The following TLE3 variants were observed in gnomAD, a reference collection of about 807,000 sequenced individuals.
TLE3 encodes TLE family member 3, transcriptional corepressor.
Under a neutral mutation model 93.0 loss-of-function variants are expected in TLE3, and 14 were observed. That is an observed-to-expected ratio of 0.15 (90% CI 0.10 to 0.24). The LOEUF is 0.24. Among genes scored for constraint, TLE3 ranks in the 10% least tolerant of loss-of-function variants. The probability of loss-of-function intolerance (pLI) is 1.00; values close to 1 mark genes in which losing one functional copy is unlikely to be tolerated. For synonymous variants in TLE3, 451 were observed against 425.0 expected (o/e 1.06, Z -0.75); for missense variants, 693 against 1,046.6 (o/e 0.66, Z 4.66).
At position 70,090,162 on chromosome 15, in the gene TLE3, A is replaced by G. The variant is rs74575617; in HGVS notation, c.234+4370T>C. Among the ~76,000 whole-genome samples, 709 of 152,280 alleles carry G rather than the reference A, an allele frequency of 4.7e-3. 8 individuals carry two copies. Among genetic ancestry groups the G allele is most frequent in the African/African-American group, 0.016 (685 of 41,554 alleles). On this transcript the variant is annotated intron_variant, in intron 4 of 19. Transcript: ENST00000451782. Reference sequence around the variant, plus strand: ...ACCTCCCTCTAGCTAGACAGCATGCAGGGAGCTTGGAGCCCAGCAGACCCC... The same window carrying G: ...ACCTCCCTCTAGCTAGACAGCATGCGGGGAGCTTGGAGCCCAGCAGACCCC...
chr15:70,060,783 G>C, intron 8 of TLE3, 134 bp from the exon 9 acceptor site: 1 of 1,477,080 alleles, frequency 6.8e-7, no homozygotes, highest in South Asian at 1.2e-5. Flanking sequence ...CTGCCCTGCA[G>C]ATCGTGGCTC....
chr15:70,058,977 G>A lies in TLE3; in HGVS notation c.766-162C>T, dbSNP rs2056285568. ...AGGAAAAACTAGCTCTTAACCATCT[G>A]GTCTGACTGAGGCCTAGGGAGGGTG... On this transcript the variant is annotated intron_variant, in intron 10 of 19. Transcript: ENST00000451782. This position sits in a 1 kb window ranked among gnomAD's most constrained non-coding sequence, Gnocchi z 4.1. Among the ~76,000 whole-genome samples the A allele has an allele frequency of 6.6e-6, 1 of 152,180 alleles. No individual in the cohort carries two copies. The highest frequency in any genetic ancestry group is 1.5e-5 in the Non-Finnish European group (1 of 68,034).
chr15:70,064,929 T>G (rs1452373924), intron 7 of TLE3, among the ~76,000 whole-genome samples: 1 of 151,894 alleles, frequency 6.6e-6, no homozygotes, highest in Non-Finnish European at 1.5e-5. Context: ...AAAAAGGAAT[T>G]TAACAGTGGT....
At chr15:70,074,355 G>A in intron 6 of TLE3, 178 bp downstream of exon 6, 1 of 666,126 alleles carries the variant, frequency 1.5e-6, no homozygotes, top group Non-Finnish European at 2.4e-6. Flanking sequence ...GCAACTGGGA[G>A]CCAAGGGGGA....
Position 70,095,744 on chromosome 15 carries a change from C to G in TLE3, c.126-103G>C, listed in dbSNP as rs568272137. On this transcript the variant is annotated intron_variant, in intron 2 of 19. Coordinates refer to ENST00000451782, the MANE Select transcript of TLE3 (RefSeq NM_001105192.3). ...AGCCACTTTTCCACTTTCCTGACAC[C>G]CCCCCGGGGGCGCCCCCATTATCCC... 4.3e-6 allele frequency: 6 copies of G among 1,397,680 alleles called. No individual in the cohort carries two copies. In the African/African-American group the frequency reaches 8.9e-5, roughly 21 times the overall value. The allele number at this position is 1,397,680 out of a possible 1,614,324, so 86.6% of individuals were successfully genotyped here.
At chr15:70,096,094 A>C in intron 2 of TLE3, 67 bp downstream of exon 2, 2 of 1,472,680 alleles carry the variant, frequency 1.4e-6, no homozygotes, top group South Asian at 1.2e-5. Flanking sequence ...CCCGCGGGGG[A>C]TGGCAGGAGC....
rs1482729540 is a variant in TLE3 at position 70,094,532 on chromosome 15, C to T, written c.234G>A (p.Gln78=). 1.3e-6 allele frequency: 2 copies of T among 1,549,010 alleles called. No individual in the cohort carries two copies. The highest frequency in any genetic ancestry group is 1.7e-6 in the Non-Finnish European group (2 of 1,147,500). ...SYGLNIEMHK[Q]TEIAKRLNTI... Reference sequence around the variant, plus strand: ...ATTTTTAAAAGAGAAAAGCACTTACCTGCTTGTGCATTTCAATGTTCAAGC... The same window carrying T: ...ATTTTTAAAAGAGAAAAGCACTTACTTGCTTGTGCATTTCAATGTTCAAGC... The change falls in exon 4 of 20, where the codon CAG becomes CAA. Residue 78 remains glutamine (Q), a splice_region_variant and synonymous_variant. Coordinates refer to ENST00000451782, the MANE Select transcript of TLE3 (RefSeq NM_001105192.3).
At position 70,097,637 on chromosome 15, in the gene TLE3, C is replaced by T. The variant is rs2058623250; in HGVS notation, c.-839G>A. The T allele has an allele frequency of 2.5e-6, 1 of 398,192 alleles. No individual in the cohort carries two copies. The highest frequency in any genetic ancestry group is 1.2e-4 in the South Asian group (1 of 8,028). The allele number at this position is 398,192 out of a possible 1,614,324, so 24.7% of individuals were successfully genotyped here. On this transcript the variant is annotated 5_prime_UTR_variant, in exon 1 of 20. Coordinates refer to ENST00000451782, the MANE Select transcript of TLE3 (RefSeq NM_001105192.3). ...ACCGAGGAGCGCTCAGCGCCACCGC[C>T]GCTGCCGCGTCGGAGCGCACAGGCA...
At chr15:70,070,029 C>T (rs936245612) in intron 6 of TLE3, among the ~76,000 whole-genome samples, 11 of 152,240 alleles carry the variant, frequency 7.2e-5, no homozygotes, top group African/African-American at 1.2e-4. Flanking sequence ...AATCAGAGAC[C>T]GCCTGTCTCC....
intron 19 of TLE3, 102 bp from the exon 20 acceptor site, chr15:70,050,306 C>G (rs932776702): frequency 1.8e-5 from 16 of 903,700 alleles, no homozygotes; most frequent in Non-Finnish European, 2.7e-5. Context: ...TCGGTTCTCT[C>G]GGCAACAATT....
chr15:70,090,980 C>G (rs1435141785), intron 4 of TLE3, among the ~76,000 whole-genome samples: 2 of 152,182 alleles, frequency 1.3e-5, no homozygotes, highest in African/African-American at 4.8e-5. Flanking sequence ...AGAAAAGGAG[C>G]ACTCTTCATT....
chr15:70,088,437 AAGG>A (rs762916927), intron 4 of TLE3, among the ~76,000 whole-genome samples: 58 of 152,226 alleles, frequency 3.8e-4, no homozygotes, highest in Admixed American at 9.8e-4. Context: ...ATGTATTTTG[AAGG>A]AGAAGAGAAA....
chr15:70,071,832 T>A lies in TLE3; in HGVS notation c.372+2701A>T, dbSNP rs549030162. 1.9e-3 allele frequency among the ~76,000 whole-genome samples: 291 copies of A among 152,278 alleles called. 2 individuals carry two copies. The highest frequency in any genetic ancestry group is 6.8e-3 in the African/African-American group (282 of 41,560). ...CCTGCTGGGGCCAGGATGCCTGCCC[T>A]TTTGCTCAGCCCATGGCTCTGCACC... On this transcript the variant is annotated intron_variant, in intron 6 of 19. Coordinates refer to ENST00000451782, the MANE Select transcript of TLE3 (RefSeq NM_001105192.3).
chr15:70,092,105 C>A (rs1012229266), intron 4 of TLE3, among the ~76,000 whole-genome samples: 4 of 152,098 alleles, frequency 2.6e-5, no homozygotes, highest in Non-Finnish European at 5.9e-5. Flanking sequence ...TTGTGTGTGC[C>A]GATAAAACAC....
chr15:70,095,098 G>A (rs1030674442), intron 3 of TLE3, among the ~76,000 whole-genome samples: 1 of 152,154 alleles, frequency 6.6e-6, no homozygotes, highest in South Asian at 2.1e-4. Context: ...GCTTTACAAG[G>A]CCTCTCCACT....
At position 70,052,432 on chromosome 15, in the gene TLE3, G is replaced by A. The variant is rs1260014757; in HGVS notation, c.2067C>T (p.Asp689=). 2 of 1,613,934 alleles carry A rather than the reference G, an allele frequency of 1.2e-6. No individual in the cohort carries two copies. Among genetic ancestry groups the A allele is most frequent in the Non-Finnish European group, 8.5e-7 (1 of 1,179,954 alleles). The change falls in exon 18 of 20, where the codon GAC becomes GAT. Residue 689 remains aspartate, a synonymous_variant. Transcript: ENST00000451782. ...NVEVLHHTKP[D]KYQLHLHESC... ...TCTCGTGCAGGTGCAGCTGGTACTT[G>A]TCAGGCTTGGTGTGGTGCAGCACCT...
Position 70,097,456 on chromosome 15 carries a change from C to T in TLE3, c.-658G>A. 4 of 406,518 alleles carry T rather than the reference C, an allele frequency of 9.8e-6. No homozygotes were observed. Among genetic ancestry groups the T allele is most frequent in the Non-Finnish European group, 1.7e-5 (4 of 231,026 alleles). 25.2% of individuals were successfully genotyped at this position (406,518 alleles called of 1,614,324 possible). A position where few individuals can be genotyped will look rare whatever the true frequency, so the allele number is the denominator to read the frequency against. ...CTGTTCCGTCTGCTACTGCCGCTGCCGCCGCCGCCGCCGCCGCTGCAAGCC... is the reference window on the plus strand; with the variant it reads ...CTGTTCCGTCTGCTACTGCCGCTGCTGCCGCCGCCGCCGCCGCTGCAAGCC... On this transcript the variant is annotated 5_prime_UTR_variant, in exon 1 of 20. Coordinates refer to ENST00000451782, the MANE Select transcript of TLE3 (RefSeq NM_001105192.3).
chr15:70,049,084 C>CT lies in TLE3; in HGVS notation c.*1012dup, dbSNP rs1250054400. The stretch of plus-strand genomic sequence containing the variant: ...GCTGAGTTGCTATGCTGTCTTCTAA[C>CT]TTTTTGTCCTTTTTAGGCTGTGTCC... On this transcript the variant is annotated 3_prime_UTR_variant, in exon 20 of 20. Transcript: ENST00000451782. 4 of 151,690 alleles carry CT rather than the reference C, an allele frequency of 2.6e-5. No individual in the cohort carries two copies. The highest frequency in any genetic ancestry group is 2.6e-4 in the Admixed American group (4 of 15,270). The allele number at this position is 151,690 out of a possible 1,614,324, so 9.4% of individuals were successfully genotyped here.
rs762746146 is a variant in TLE3 at position 70,053,208 on chromosome 15, G to A, written c.1974+19C>T. 1.9e-6 allele frequency: 3 copies of A among 1,603,218 alleles called. No individual in the cohort carries two copies. Among genetic ancestry groups the A allele is most frequent in the South Asian group, 1.1e-5 (1 of 88,938 alleles). ...GAACACACTGCTCTTTGGGAAGGGA[G>A]GAGTCTTGGGCCGCACACCTGGGAA... On this transcript the variant is annotated intron_variant, in intron 17 of 19. Coordinates refer to ENST00000451782, the MANE Select transcript of TLE3 (RefSeq NM_001105192.3).
Sources: allele counts gnomAD v4.1 joint callset (sites outside exome capture counted in the v4.1 genomes callset), GRCh38; gene constraint gnomAD v4.1.1; non-coding constraint Gnocchi (gnomAD v3.1); transcripts MANE v1.5; gene names NCBI Gene and HGNC (gene_info 2026-07-23, HGNC 2026-07-21).